HRH1: variants seen among roughly 807,000 people sequenced by gnomAD.
HRH1 encodes histamine H1 receptor.
HRH1 carries 6 observed loss-of-function variants against 10.3 expected under a neutral mutation model. The observed-to-expected ratio is 0.58, with a 90% CI of 0.32 to 1.15. The LOEUF (loss-of-function observed/expected upper bound fraction) is 1.15, where lower values mean the gene tolerates loss of function less well. Among genes scored for constraint, HRH1 ranks in the 50% most tolerant of loss-of-function variants. The pLI is 0.05. For missense variants in HRH1, 514 were observed against 615.3 expected (o/e 0.84, Z 1.74); for synonymous variants, 242 against 236.7 (o/e 1.02, Z -0.21).
At chr3:11,184,175 A>C (rs1574994658) in intron 1 of HRH1, among the ~76,000 whole-genome samples, 2 of 152,252 alleles carry the variant, frequency 1.3e-5, no homozygotes, top group East Asian at 3.9e-4. Flanking sequence ...CTCAAATCTT[A>C]ACATAATGAG....
intron 1 of HRH1, among the ~76,000 whole-genome samples, chr3:11,167,576 T>C (rs918808431): frequency 6.6e-5 from 10 of 152,270 alleles, no homozygotes; most frequent in Admixed American, 4.6e-4. Flanking sequence ...CTGTGATATC[T>C]GTAGTTCATG....
intron 1 of HRH1, among the ~76,000 whole-genome samples, chr3:11,212,657 A>G (rs1400796058): frequency 6.6e-6 from 1 of 152,152 alleles, no homozygotes; most frequent in Admixed American, 6.6e-5. Flanking sequence ...CTGGGCCACC[A>G]TCCTGCTGGT....
At chr3:11,227,275 G>A (rs1378775903) in intron 1 of HRH1, among the ~76,000 whole-genome samples, 4 of 151,822 alleles carry the variant, frequency 2.6e-5, no homozygotes, top group Non-Finnish European at 4.4e-5. Flanking sequence ...TGCCTATGGG[G>A]TGATTAAGAT....
chr3:11,224,284 A>G (rs1282640211), intron 1 of HRH1, among the ~76,000 whole-genome samples: 1 of 152,218 alleles, frequency 6.6e-6, no homozygotes, highest in African/African-American at 2.4e-5. Flanking sequence ...AGTCAGCTCT[A>G]CACACTGATA....
chr3:11,244,534 C>T (rs347585), intron 1 of HRH1, among the ~76,000 whole-genome samples: 97,765 of 152,104 alleles, frequency 0.64, 31,738 homozygotes, highest in East Asian at 0.71. Context: ...GAAGAAAACA[C>T]AACCACTGCT....
At chr3:11,223,439 C>T (rs1448094461) in intron 1 of HRH1, among the ~76,000 whole-genome samples, 1 of 152,010 alleles carries the variant, frequency 6.6e-6, no homozygotes, top group East Asian at 1.9e-4. Context: ...GCGGAGCTTG[C>T]AGTGAGCAGA....
intron 1 of HRH1, among the ~76,000 whole-genome samples, chr3:11,214,879 T>A (rs1238259877): frequency 6.6e-6 from 1 of 152,224 alleles, no homozygotes; most frequent in African/African-American, 2.4e-5. Flanking sequence ...GGTGATGGGT[T>A]CATGATATCA....
intron 1 of HRH1, among the ~76,000 whole-genome samples, chr3:11,177,269 A>G (rs1237093109): frequency 2.0e-5 from 3 of 151,780 alleles, no homozygotes; most frequent in Non-Finnish European, 2.9e-5. Flanking sequence ...AAATAAATAA[A>G]TAAATAAATA....
In HRH1 at chr3:11,242,509, A is replaced by AAAAAAAAAAAAT. The variant is rs1559283215; in HGVS notation, c.-35-16494_-35-16493insAAAAAAAAAAAT. Among the ~76,000 whole-genome samples the AAAAAAAAAAAAT allele has an allele frequency of 2.9e-3, 350 of 120,780 alleles. 25 individuals carry two copies. The highest frequency in any genetic ancestry group is 0.011 in the African/African-American group (322 of 30,196). The allele number at this position is 120,780 out of a possible 152,430, so 79.2% of individuals were successfully genotyped here. A position where few individuals can be genotyped will look rare whatever the true frequency, so the allele number is the denominator to read the frequency against. On this transcript the variant is annotated intron_variant, in intron 1 of 1. Transcript: ENST00000431010. ...AAAAAAAAAAAAAAAAAAAAAAAAAAGCTGTAACACTCACTGCAAAGGTCT... is the reference window on the plus strand; with the variant it reads ...AAAAAAAAAAAAAAAAAAAAAAAAAAAAAAAAAAAAATGCTGTAACACTCACTGCAAAGGTCT...
intron 1 of HRH1, among the ~76,000 whole-genome samples, chr3:11,197,384 T>C (rs1210482793): frequency 6.6e-6 from 1 of 152,210 alleles, no homozygotes. Flanking sequence ...ATAACTTCAG[T>C]GCCTGGTACA....
chr3:11,147,245 A>T (rs1392607370), intron 1 of HRH1, among the ~76,000 whole-genome samples: 1 of 152,230 alleles, frequency 6.6e-6, no homozygotes, highest in African/African-American at 2.4e-5. Context: ...CTCCTGACCC[A>T]GGGCCTGCCA....
intron 1 of HRH1, among the ~76,000 whole-genome samples, chr3:11,257,344 T>G (rs1939808321): frequency 6.7e-6 from 1 of 149,606 alleles, no homozygotes; most frequent in Admixed American, 6.7e-5. Context: ...TCACCTGAGG[T>G]CAGGAGTTCA....
intron 1 of HRH1, among the ~76,000 whole-genome samples, chr3:11,249,381 T>A (rs551972437): frequency 2.5e-5 from 3 of 120,676 alleles, no homozygotes; most frequent in African/African-American, 1.0e-4. Context: ...CCAGCCTGGG[T>A]GACAAAGTGA....
In HRH1 at chr3:11,148,022, AT is replaced by A. The variant is rs1936495784; in HGVS notation, c.-36+10624del. On this transcript the variant is annotated intron_variant, in intron 1 of 1. Transcript: ENST00000438284. Reference sequence around the variant, plus strand: ...TGGTGAAACTCTGTCTCTACTAAAAATACAAAAATTAGCTGGGCATGGTGGT... The same window carrying A: ...TGGTGAAACTCTGTCTCTACTAAAAAACAAAAATTAGCTGGGCATGGTGGT... 2.0e-5 allele frequency among the ~76,000 whole-genome samples: 3 copies of A among 152,178 alleles called. No individual in the cohort carries two copies. The East Asian group carries it at 5.8e-4, about 29-fold the overall frequency.
chr3:11,192,485 G>A (rs1274302772), intron 1 of HRH1, among the ~76,000 whole-genome samples: 1 of 152,188 alleles, frequency 6.6e-6, no homozygotes. Context: ...GTTGAGGTAG[G>A]TGCAGGGTGC....
chr3:11,218,261 A>G (rs1241767260), intron 1 of HRH1, among the ~76,000 whole-genome samples: 1 of 152,006 alleles, frequency 6.6e-6, no homozygotes, highest in Non-Finnish European at 1.5e-5. Flanking sequence ...CCTGGCCAAT[A>G]TGGTGAAACC....
chr3:11,179,274 C>T lies in HRH1; in HGVS notation c.-36+24720C>T, dbSNP rs560227023. ...CTGCACTCCAGCCTGGGCTACAGAG[C>T]GAAACTTCATCTTAAAAAAATAAAT... is the stretch of plus-strand genomic sequence containing the variant. On this transcript the variant is annotated intron_variant, in intron 1 of 1. Coordinates refer to ENST00000431010, the MANE Select transcript of HRH1 (RefSeq NM_001098212.2). Among the ~76,000 whole-genome samples the T allele has an allele frequency of 4.0e-4, 61 of 150,874 alleles. 1 individual carries two copies. Among genetic ancestry groups the T allele is most frequent in the African/African-American group, 1.2e-3 (51 of 40,926 alleles).
chr3:11,217,502 T>G (rs1395756438), intron 1 of HRH1, among the ~76,000 whole-genome samples: 1 of 151,930 alleles, frequency 6.6e-6, no homozygotes, highest in Non-Finnish European at 1.5e-5. Flanking sequence ...GCACTCCAGC[T>G]TGGGTGACAG....
intron 1 of HRH1, among the ~76,000 whole-genome samples, chr3:11,170,400 C>T (rs1937129210): frequency 6.6e-6 from 1 of 152,238 alleles, no homozygotes; most frequent in Non-Finnish European, 1.5e-5. Flanking sequence ...GATAAGCTCG[C>T]CACATGTTTA....
Sources: allele counts gnomAD v4.1 joint callset (sites outside exome capture counted in the v4.1 genomes callset), GRCh38; gene constraint gnomAD v4.1.1; transcripts MANE v1.5; gene names NCBI Gene and HGNC (gene_info 2026-07-23, HGNC 2026-07-21).